Variants in ADCK1 observed in about 807,000 individuals in gnomAD.
The protein encoded by ADCK1 is aarF domain-containing protein kinase 1.
Under a neutral mutation model 52.3 loss-of-function variants are expected in ADCK1, and 41 were observed. The ratio of observed to expected loss-of-function variants is 0.78; its 90% CI spans 0.61 to 1.02. ADCK1 has a LOEUF of 1.02. Among genes scored for constraint, ADCK1 ranks in the 50% least tolerant of loss-of-function variants. ADCK1 has a pLI of 0.00. For missense variants in ADCK1, 658 were observed against 679.5 expected (o/e 0.97, Z 0.35); for synonymous variants, 250 against 274.6 (o/e 0.91, Z 0.89).
In ADCK1 at chr14:77,845,204, T is replaced by TA. The variant is rs138686649; in HGVS notation, c.220-13871dup. Among the ~76,000 whole-genome samples, 418 of 152,356 alleles carry TA rather than the reference T, an allele frequency of 2.7e-3. 4 individuals carry two copies. The highest frequency in any genetic ancestry group is 9.5e-3 in the African/African-American group (395 of 41,590). ...AGGTATTTCATTATGGTCTTGGAGT[T>TA]AGACTGCCGGGATTCAGATCCCAGC... On this transcript the variant is annotated intron_variant, in intron 3 of 10. Coordinates refer to ENST00000238561, the MANE Select transcript of ADCK1 (RefSeq NM_020421.4).
chr14:77,803,639 C>T (rs1421772793), intron 1 of ADCK1, among the ~76,000 whole-genome samples: 1 of 152,190 alleles, frequency 6.6e-6, no homozygotes, highest in Non-Finnish European at 1.5e-5. Context: ...AGCTTTGCAG[C>T]TCTCCTAAAC....
At chr14:77,874,283 G>A (rs2082850169) in intron 4 of ADCK1, among the ~76,000 whole-genome samples, 1 of 152,194 alleles carries the variant, frequency 6.6e-6, no homozygotes, top group African/African-American at 2.4e-5. Context: ...TTTGAAAGAG[G>A]TCAGCACAAG....
intron 7 of ADCK1, among the ~76,000 whole-genome samples, chr14:77,917,668 C>T (rs944006556): frequency 1.3e-5 from 2 of 152,130 alleles, no homozygotes; most frequent in Non-Finnish European, 2.9e-5. Context: ...AATCACTTAT[C>T]GTGAAAGGCA....
intron 2 of ADCK1, among the ~76,000 whole-genome samples, chr14:77,820,563 C>A (rs569995152): frequency 6.6e-6 from 1 of 151,842 alleles, no homozygotes; most frequent in South Asian, 2.1e-4. Flanking sequence ...AACTCCTGGG[C>A]TCAAGCAATC....
chr14:77,864,398 G>A (rs1311080693), intron 4 of ADCK1, among the ~76,000 whole-genome samples: 1 of 152,214 alleles, frequency 6.6e-6, no homozygotes, highest in Non-Finnish European at 1.5e-5. Flanking sequence ...AGGCACTGTA[G>A]GCGCAAGGAC....
intron 7 of ADCK1, among the ~76,000 whole-genome samples, chr14:77,911,186 T>G (rs1343810761): frequency 1.3e-5 from 2 of 152,196 alleles, no homozygotes; most frequent in Non-Finnish European, 2.9e-5. Context: ...AAGCAAATGC[T>G]CAGAGAGGTT....
At chr14:77,872,288 G>GGACTCC (rs2082796306) in intron 4 of ADCK1, among the ~76,000 whole-genome samples, 1 of 152,130 alleles carries the variant, frequency 6.6e-6, no homozygotes, top group African/African-American at 2.4e-5. Context: ...GCCAGGAACT[G>GGACTCC]AGCTTGAGTG....
intron 5 of ADCK1, among the ~76,000 whole-genome samples, chr14:77,891,486 T>A (rs1390618783): frequency 1.3e-5 from 2 of 152,246 alleles, no homozygotes; most frequent in East Asian, 3.8e-4. Flanking sequence ...TTGCGTTTTC[T>A]TGCTGGCTCC....
intron 7 of ADCK1, 84 bp downstream of exon 7, chr14:77,908,003 A>G: frequency 9.0e-7 from 1 of 1,110,490 alleles, no homozygotes; most frequent in Non-Finnish European, 1.3e-6. Flanking sequence ...TGTCCAGGTG[A>G]GGCCTCAGAG....
At chr14:77,922,769 A>G (rs768057616) in intron 7 of ADCK1, among the ~76,000 whole-genome samples, 1 of 152,230 alleles carries the variant, frequency 6.6e-6, no homozygotes, top group Non-Finnish European at 1.5e-5. Context: ...TCTGCAAATG[A>G]GGATCATAAT....
At chr14:77,927,822 C>T (rs967578795) in intron 9 of ADCK1, among the ~76,000 whole-genome samples, 2 of 152,184 alleles carry the variant, frequency 1.3e-5, no homozygotes, top group South Asian at 4.1e-4. Context: ...GATGAGAAGA[C>T]GGAGGAGCCG....
chr14:77,878,161 T>C (rs1176636687), intron 4 of ADCK1, among the ~76,000 whole-genome samples: 1 of 152,272 alleles, frequency 6.6e-6, no homozygotes, highest in Non-Finnish European at 1.5e-5. Flanking sequence ...CGGAGGCTGG[T>C]GGCTGTACCC....
chr14:77,826,924 CT>C (rs1264819682), intron 3 of ADCK1, among the ~76,000 whole-genome samples: 1 of 152,102 alleles, frequency 6.6e-6, no homozygotes, highest in East Asian at 1.9e-4. Flanking sequence ...GTGCGCAGGA[CT>C]TTTCTGGGAA....
chr14:77,851,133 T>C (rs546552694), intron 3 of ADCK1, among the ~76,000 whole-genome samples: 14 of 152,002 alleles, frequency 9.2e-5, no homozygotes, highest in Admixed American at 6.5e-4. Context: ...TTTTTTTTTT[T>C]TTGAGACAGA....
intron 4 of ADCK1, among the ~76,000 whole-genome samples, chr14:77,870,325 G>A (rs1402708873): frequency 6.6e-6 from 1 of 152,216 alleles, no homozygotes; most frequent in African/African-American, 2.4e-5. Flanking sequence ...CCTGCAGAAG[G>A]GCTGGTTTCT....
chr14:77,839,654 G>A (rs2082025651), intron 3 of ADCK1, among the ~76,000 whole-genome samples: 1 of 152,062 alleles, frequency 6.6e-6, no homozygotes, highest in African/African-American at 2.4e-5. Flanking sequence ...AGGGAGATGG[G>A]GCCCGATGTG....
chr14:77,908,166 G>T, intron 7 of ADCK1: 1 of 345,570 alleles, frequency 2.9e-6, no homozygotes, highest in Non-Finnish European at 5.4e-6. Flanking sequence ...CTTTTCCTTT[G>T]TACCATCTGA....
In ADCK1 at chr14:77,821,895, A is replaced by C. The variant is rs868517167; in HGVS notation, c.136-540A>C. Among the ~76,000 whole-genome samples the C allele has an allele frequency of 6.6e-3, 971 of 147,088 alleles. 8 individuals carry two copies. The highest frequency in any genetic ancestry group is 0.025 in the African/African-American group (930 of 37,288). ...ACAGAGCAAGACTCTGTCTCAGAAA[A>C]AAAAAAAAAAAAAAGACTTATGCTA... On this transcript the variant is annotated intron_variant, in intron 2 of 10. Transcript: ENST00000238561.
intron 7 of ADCK1, among the ~76,000 whole-genome samples, chr14:77,909,665 A>C (rs146786442): frequency 1.3e-5 from 2 of 152,180 alleles, no homozygotes; most frequent in African/African-American, 4.8e-5. Context: ...TGTGAAGACT[A>C]TGTGAGTTAG....
Sources: allele counts gnomAD v4.1 joint callset (sites outside exome capture counted in the v4.1 genomes callset), GRCh38; gene constraint gnomAD v4.1.1; transcripts MANE v1.5; gene names NCBI Gene and HGNC (gene_info 2026-07-23, HGNC 2026-07-21).